DIS3L2: variants seen among roughly 807,000 people sequenced by gnomAD.
DIS3L2 encodes DIS3-like exonuclease 2.
DIS3L2 carries 34 observed loss-of-function variants against 97.5 expected under a neutral mutation model. The ratio of observed to expected loss-of-function variants is 0.35; its 90% confidence interval spans 0.27 to 0.46. DIS3L2 has a LOEUF of 0.46. Among genes scored for constraint, DIS3L2 ranks in the 20% least tolerant of loss-of-function variants. The pLI is 1.00. For synonymous variants in DIS3L2, 435 were observed against 445.2 expected (o/e 0.98, Z 0.29); for missense variants, 1,038 against 1,146.0 (o/e 0.91, Z 1.36).
At chr2:232,200,997 A>G (rs1691878693) in intron 9 of DIS3L2, among the ~76,000 whole-genome samples, 1 of 152,038 alleles carries the variant, frequency 6.6e-6, no homozygotes, top group African/African-American at 2.4e-5. Context: ...CTGGCCTCGA[A>G]CTTCTGACCT....
chr2:232,290,801 G>A (rs1694580241), intron 13 of DIS3L2, among the ~76,000 whole-genome samples: 1 of 152,166 alleles, frequency 6.6e-6, no homozygotes, highest in South Asian at 2.1e-4. Flanking sequence ...CAATGGGAGC[G>A]GCCAGCCTCG....
At chr2:232,189,561 G>C (rs947044984) in intron 9 of DIS3L2, among the ~76,000 whole-genome samples, 2 of 152,190 alleles carry the variant, frequency 1.3e-5, no homozygotes, top group Admixed American at 1.3e-4. Flanking sequence ...GAACAGATTC[G>C]TAGTTGCCAA....
intron 13 of DIS3L2, among the ~76,000 whole-genome samples, chr2:232,296,775 C>T (rs1291878378): frequency 6.6e-6 from 1 of 152,170 alleles, no homozygotes; most frequent in Admixed American, 6.5e-5. Context: ...TATTTATTAG[C>T]AGTGTGAGAA....
intron 6 of DIS3L2, among the ~76,000 whole-genome samples, chr2:232,093,946 A>T (rs1696922906): frequency 6.6e-6 from 1 of 152,006 alleles, no homozygotes; most frequent in Non-Finnish European, 1.5e-5. Flanking sequence ...ATGCATCATT[A>T]GGTGGTTTAT....
At chr2:232,157,792 G>C (rs1690536351) in intron 8 of DIS3L2, among the ~76,000 whole-genome samples, 1 of 152,232 alleles carries the variant, frequency 6.6e-6, no homozygotes, top group African/African-American at 2.4e-5. Flanking sequence ...GTCAGCATTA[G>C]TGAGAAGTGA....
intron 13 of DIS3L2, 59 bp downstream of exon 13, chr2:232,263,499 G>A: frequency 6.5e-6 from 10 of 1,541,918 alleles, no homozygotes; most frequent in Non-Finnish European, 8.9e-6. Context: ...AACCCAGCGT[G>A]GATGAGCGCA....
At chr2:232,306,793 C>T (rs935557638) in intron 14 of DIS3L2, among the ~76,000 whole-genome samples, 3 of 152,234 alleles carry the variant, frequency 2.0e-5, no homozygotes, top group Non-Finnish European at 2.9e-5. Flanking sequence ...AGCAAGGCAG[C>T]CAGCCCTGTG....
At chr2:232,089,974 G>C (rs1399823945) in intron 6 of DIS3L2, among the ~76,000 whole-genome samples, 1 of 152,056 alleles carries the variant, frequency 6.6e-6, no homozygotes, top group Non-Finnish European at 1.5e-5. Flanking sequence ...TTTTTGCCCA[G>C]GCTAGAGTGC....
At chr2:232,189,304 C>T (rs1691544314) in intron 9 of DIS3L2, among the ~76,000 whole-genome samples, 1 of 152,076 alleles carries the variant, frequency 6.6e-6, no homozygotes, top group African/African-American at 2.4e-5. Flanking sequence ...ATAGAATAGC[C>T]CAAATACTAG....
At chr2:232,218,583 G>C (rs1421888781) in intron 10 of DIS3L2, among the ~76,000 whole-genome samples, 1 of 152,168 alleles carries the variant, frequency 6.6e-6, no homozygotes, top group Non-Finnish European at 1.5e-5. Context: ...GGGAGAGCTG[G>C]AGGGGCAGCA....
chr2:232,338,076 G>C (rs1379620611), downstream of DIS3L2, among the ~76,000 whole-genome samples: 1 of 152,128 alleles, frequency 6.6e-6, no homozygotes. Context: ...TGGTGTTGGG[G>C]TGGAGAAGGC....
intron 6 of DIS3L2, among the ~76,000 whole-genome samples, chr2:232,090,569 A>T (rs1696807288): frequency 1.3e-5 from 2 of 152,210 alleles, no homozygotes; most frequent in Admixed American, 6.5e-5. Flanking sequence ...GGATAATAAA[A>T]AAAATCTGGT....
At chr2:232,029,876 G>T in intron 4 of DIS3L2, 103 bp from the exon 5 acceptor site, 2 of 802,382 alleles carry the variant, frequency 2.5e-6, no homozygotes, top group Non-Finnish European at 4.0e-6. Context: ...GATAACCTAA[G>T]AATAACTTGC....
chr2:232,015,625 C>T lies in DIS3L2; in HGVS notation c.164C>T (p.Ser55Phe), dbSNP rs1439183614. ...AAGAGCATATTTGAAACTTACATGT[C>T]CAAGGAGGATGTTTCAGAAGGCTTG... Reference protein sequence around the residue: ...KKKSIFETYMSKEDVSEGLKR... With the variant: ...KKKSIFETYMFKEDVSEGLKR... Residue 55 changes from serine (S) to phenylalanine (F), a missense_variant, in exon 3 of 21, where the codon TCC becomes TTC. By Grantham distance (155) the Ser-to-Phe change is radical (BLOSUM62 -2). Around this residue, in one of 3 missense-constraint regions of DIS3L2, gnomAD observed 813 missense variants for 880.1 expected, o/e 0.92. Transcript: ENST00000325385. 3 of 1,613,760 alleles carry T rather than the reference C, an allele frequency of 1.9e-6. No individual in the cohort carries two copies. Among genetic ancestry groups the T allele is most frequent in the African/African-American group, 2.7e-5 (2 of 74,878 alleles).
intron 9 of DIS3L2, among the ~76,000 whole-genome samples, chr2:232,181,603 C>T (rs1410586191): frequency 1.3e-5 from 2 of 152,146 alleles, no homozygotes; most frequent in South Asian, 2.1e-4. Context: ...CAGTTGATCG[C>T]ATCGGCCACC....
chr2:232,088,696 T>C (rs1696743029), intron 6 of DIS3L2, among the ~76,000 whole-genome samples: 1 of 152,194 alleles, frequency 6.6e-6, no homozygotes, highest in Non-Finnish European at 1.5e-5. Flanking sequence ...GATTGAAATC[T>C]AAGCCATGGG....
rs140060213 is a variant in DIS3L2, at chr2:232,202,448, C to T, written c.1125-7878C>T. ...TAGAACGATGAGAGGTTCATTGAAC[C>T]GGTGAGTAGAACCAATGAGTAAAGG... On this transcript the variant is annotated intron_variant, in intron 9 of 20. Transcript: ENST00000325385. Among the ~76,000 whole-genome samples, 953 of 152,232 alleles carry T rather than the reference C, an allele frequency of 6.3e-3. 1 individual carries two copies. The highest frequency in any genetic ancestry group is 0.023 in the South Asian group (109 of 4,822).
chr2:232,076,845 C>A (rs1696203306), intron 5 of DIS3L2, among the ~76,000 whole-genome samples: 1 of 152,102 alleles, frequency 6.6e-6, no homozygotes, highest in Non-Finnish European at 1.5e-5. Context: ...TTTTAGATTA[C>A]ATCTTCCTTA....
intron 13 of DIS3L2, among the ~76,000 whole-genome samples, chr2:232,288,070 G>A (rs1694494367): frequency 6.6e-6 from 1 of 152,218 alleles, no homozygotes; most frequent in African/African-American, 2.4e-5. Flanking sequence ...GTTGCAGGTT[G>A]AAGCCAGGGT....
Sources: allele counts gnomAD v4.1 joint callset (sites outside exome capture counted in the v4.1 genomes callset), GRCh38; gene constraint gnomAD v4.1.1; regional missense constraint gnomAD v4.1.1; transcripts MANE v1.5; gene names NCBI Gene and HGNC (gene_info 2026-07-23, HGNC 2026-07-21).